SLC27A3: variants seen among roughly 807,000 people sequenced by gnomAD.
The protein encoded by SLC27A3 is solute carrier family 27 member 3, also known as long-chain fatty acid transport protein 3.
SLC27A3 carries 60 observed loss-of-function variants against 60.1 expected under a neutral mutation model. That is an observed-to-expected ratio of 1.00 (90% confidence interval 0.81 to 1.24). The LOEUF (loss-of-function observed/expected upper bound fraction) is 1.24, where lower values mean the gene tolerates loss of function less well. SLC27A3 is among the 50% of genes most tolerant of loss of function. SLC27A3 has a pLI of 0.00. For synonymous variants in SLC27A3, 455 were observed against 409.0 expected (o/e 1.11, Z -1.36); for missense variants, 1,079 against 929.9 (o/e 1.16, Z -2.09).
rs767288409 is a variant in SLC27A3, at chr1:153,778,141, C to T, written c.1162-20C>T. The T allele has an allele frequency of 4.4e-6, 7 of 1,589,086 alleles. No individual in the cohort carries two copies. The highest frequency in any genetic ancestry group is 1.8e-4 in the Middle Eastern group (1 of 5,648). On this transcript the variant is annotated intron_variant, in intron 4 of 9. Coordinates refer to ENST00000624995, the MANE Select transcript of SLC27A3 (RefSeq NM_024330.4). ...GGCATCTTGATGCTGAAGCTCCGGC[C>T]CCTCTCCCACTCATCTCAGAGCAAG...
intron 1 of SLC27A3, 78 bp downstream of exon 1, chr1:153,776,242 G>A: frequency 1.4e-6 from 2 of 1,414,160 alleles, no homozygotes; most frequent in South Asian, 3.1e-5. Context: ...GAAAGGCTTG[G>A]TCTCATCCCT....
Position 153,780,136 on chromosome 1 carries a change from A to C in SLC27A3, c.*134A>C. The C allele has an allele frequency of 1.3e-6, 1 of 770,968 alleles. No individual in the cohort carries two copies. The highest frequency in any genetic ancestry group is 2.0e-6 in the Non-Finnish European group (1 of 490,246). The allele number at this position is 770,968 out of a possible 1,614,324, so 47.8% of individuals were successfully genotyped here. On this transcript the variant is annotated 3_prime_UTR_variant, in exon 10 of 10. Coordinates refer to ENST00000624995, the MANE Select transcript of SLC27A3 (RefSeq NM_024330.4). ...TTTGTAATAAATGTGGCTGGAGCTG[A>C]TCCAGCTGTCTCTGACCTACAGTAT... is the stretch of plus-strand genomic sequence containing the variant.
Position 153,778,695 on chromosome 1 carries a change from G to A in SLC27A3, c.1456G>A (p.Gly486Arg). 1 of 1,612,884 alleles carries A rather than the reference G, an allele frequency of 6.2e-7. No homozygotes were observed. The highest frequency in any genetic ancestry group is 8.5e-7 in the Non-Finnish European group (1 of 1,179,948). Residue 486 changes from glycine to arginine, a missense_variant, in exon 7 of 10, where the codon GGG becomes AGG. Physicochemically the swap from Gly to Arg is moderately radical, Grantham distance 125 (BLOSUM62 -2). Coordinates refer to ENST00000624995, the MANE Select transcript of SLC27A3 (RefSeq NM_024330.4). ...HCMATSPGEPGLLVAPVSQQS... is the reference protein window; with the variant it reads ...HCMATSPGEPRLLVAPVSQQS... ...CCTGGTGACTCTGCCAGGTGAGCCA[G>A]GGCTGCTGGTGGCCCCGGTAAGCCA...
At position 153,779,387 on chromosome 1, in the gene SLC27A3, C is replaced by T. The variant is rs1001930434; in HGVS notation, c.1789C>T (p.Pro597Ser). 5.2e-5 allele frequency: 84 copies of T among 1,613,058 alleles called. No homozygotes were observed. The highest frequency in any genetic ancestry group is 7.0e-5 in the Non-Finnish European group (83 of 1,179,710). ...AGMAALVLRP[P>S]HALDLMQLYT... ...AATGGCAGCCCTAGTTCTGCGTCCC[C>T]CCCACGCTTTGGACCTTATGCAGCT... Residue 597 changes from proline (P) to serine (S), a missense_variant, in exon 9 of 10, where the codon CCC becomes TCC. Transcript: ENST00000624995.
rs1469322592 is a variant in SLC27A3, at chr1:153,775,448, T to C, written c.-50T>C. Reference sequence around the variant, plus strand: ...GGTTTTCGGAAGGGAGGATCAGGGATGTTTGCGAGCGGCTGGAACCAGACG... The same window carrying C: ...GGTTTTCGGAAGGGAGGATCAGGGACGTTTGCGAGCGGCTGGAACCAGACG... On this transcript the variant is annotated 5_prime_UTR_variant, in exon 1 of 10. It removes an upstream start codon present in the reference 5' UTR. Transcript: ENST00000624995. The C allele has an allele frequency of 6.2e-7, 1 of 1,612,496 alleles. No individual in the cohort carries two copies. Among genetic ancestry groups the C allele is most frequent in the Admixed American group, 1.7e-5 (1 of 60,032 alleles).
Position 153,776,668 on chromosome 1 carries a change from T to A in SLC27A3, c.818T>A (p.Leu273His). 6.2e-7 allele frequency: 1 copy of A among 1,614,090 alleles called. No individual in the cohort carries two copies. Among genetic ancestry groups the A allele is most frequent in the South Asian group, 1.1e-5 (1 of 91,074 alleles). ...GTGGATGGGCCAGTGCCAGGATACC[T>A]CTCTTCCCCCCAGAGCATAACAGAC... ...AEVDGPVPGY[L>H]SSPQSITDTC... is the part of the protein sequence containing the mutation. The change falls in exon 2 of 10, where the codon CTC becomes CAC. Residue 273 changes from leucine to histidine, a missense_variant. Transcript: ENST00000624995.
Position 153,779,587 on chromosome 1 carries a change from C to T in SLC27A3, c.1875+114C>T, listed in dbSNP as rs575426847. 3.2e-6 allele frequency: 4 copies of T among 1,232,638 alleles called. No individual in the cohort carries two copies. The Admixed American group carries it at 8.5e-5, about 26-fold the overall frequency. 76.4% of individuals were successfully genotyped at this position (1,232,638 alleles called of 1,614,324 possible). On this transcript the variant is annotated intron_variant, in intron 9 of 9. Transcript: ENST00000624995. Reference sequence around the variant, plus strand: ...CTCCCAAACTCCACAAAGGGACCCCCAACGTAATACACTCCGTGAAGAGAA... The same window carrying T: ...CTCCCAAACTCCACAAAGGGACCCCTAACGTAATACACTCCGTGAAGAGAA...
intron 8 of SLC27A3, 41 bp downstream of exon 8, chr1:153,779,252 C>T: frequency 1.2e-6 from 2 of 1,613,604 alleles, no homozygotes; most frequent in Admixed American, 1.7e-5. Context: ...CCAGCCACCA[C>T]CCCGAATTGG....
At chr1:153,778,954 A>G in intron 7 of SLC27A3, 69 bp downstream of exon 7, 23 of 1,539,090 alleles carry the variant, frequency 1.5e-5, no homozygotes, top group Middle Eastern at 1.7e-4. Flanking sequence ...CTGAACCTCA[A>G]CTCTCTAATC....
chr1:153,775,459 G>A lies in SLC27A3; in HGVS notation c.-39G>A, dbSNP rs370290114. ...GGGAGGATCAGGGATGTTTGCGAGC[G>A]GCTGGAACCAGACGGTGCCGATAGA... On this transcript the variant is annotated 5_prime_UTR_variant, in exon 1 of 10. Coordinates refer to ENST00000624995, the MANE Select transcript of SLC27A3 (RefSeq NM_024330.4). 4 of 1,612,854 alleles carry A rather than the reference G, an allele frequency of 2.5e-6. No homozygotes were observed. The highest frequency in any genetic ancestry group is 3.4e-6 in the Non-Finnish European group (4 of 1,180,030).
chr1:153,775,923 C>T lies in SLC27A3; in HGVS notation c.426C>T (p.Ala142=), dbSNP rs750746696. The change falls in exon 1 of 10, where the codon GCC becomes GCT. Residue 142 remains alanine, a synonymous_variant. Transcript: ENST00000624995. The part of the protein sequence containing the change: ...RAAPGAGDAA[A]GSGAEFAGGD... ...CGCCGGGAGCCGGAGATGCAGCGGC[C>T]GGAAGCGGCGCGGAGTTTGCCGGAG... is the stretch of plus-strand genomic sequence containing the variant. The T allele has an allele frequency of 3.4e-6, 5 of 1,461,320 alleles. No individual in the cohort carries two copies. The African/African-American group carries it at 7.4e-5, about 22-fold the overall frequency. 90.5% of individuals were successfully genotyped at this position (1,461,320 alleles called of 1,614,324 possible).
rs547644986 is a variant in SLC27A3, at chr1:153,778,222, C to A, written c.1223C>A (p.Thr408Asn). The change falls in exon 5 of 10, where the codon ACC becomes AAC. Residue 408 changes from threonine to asparagine, a missense_variant. By Grantham distance (65) the Thr-to-Asn change is moderately conservative (BLOSUM62 0). Transcript: ENST00000624995. ...LAVGSGLRPD[T>N]WERFVRRFGP... is the part of the protein sequence containing the mutation. ...GTGGGCAGCGGGCTGCGCCCAGATA[C>A]CTGGGAGCGTTTTGTGCGGCGCTTC... 1.2e-6 allele frequency: 2 copies of A among 1,613,604 alleles called. No individual in the cohort carries two copies. Among genetic ancestry groups the A allele is most frequent in the Admixed American group, 1.7e-5 (1 of 60,004 alleles).
At position 153,777,234 on chromosome 1, in the gene SLC27A3, AC is replaced by A. The variant is rs920028649; in HGVS notation, c.1036+18del. ...GCATGGGCATTGGTCAGTCTCCCCA[AC>A]CCCACCTTCATTAATTCATCCAGTA... On this transcript the variant is annotated intron_variant, in intron 3 of 9. Transcript: ENST00000624995. 2 of 1,613,728 alleles carry A rather than the reference AC, an allele frequency of 1.2e-6. No homozygotes were observed. Among genetic ancestry groups the A allele is most frequent in the African/African-American group, 2.7e-5 (2 of 75,012 alleles).
chr1:153,778,247 C>T lies in SLC27A3; in HGVS notation c.1248C>T (p.Phe416=), dbSNP rs942591712. 37 of 1,613,922 alleles carry T rather than the reference C, an allele frequency of 2.3e-5. No homozygotes were observed. The highest frequency in any genetic ancestry group is 5.5e-5 in the South Asian group (5 of 91,092). ...CCTGGGAGCGTTTTGTGCGGCGCTT[C>T]GGGCCCCTGCAGGTGCTGGAGACAT... ...PDTWERFVRR[F]GPLQVLETYG... Residue 416 remains phenylalanine (F), a synonymous_variant, in exon 5 of 10, where the codon TTC becomes TTT. Transcript: ENST00000624995.
At position 153,780,132 on chromosome 1, in the gene SLC27A3, G is replaced by T; in HGVS notation, c.*130G>T. 1 of 771,492 alleles carries T rather than the reference G, an allele frequency of 1.3e-6. No homozygotes were observed. The highest frequency in any genetic ancestry group is 2.0e-6 in the Non-Finnish European group (1 of 489,440). 47.8% of individuals were successfully genotyped at this position (771,492 alleles called of 1,614,324 possible). A position where few individuals can be genotyped will look rare whatever the true frequency, so the allele number is the denominator to read the frequency against. Reference sequence around the variant, plus strand: ...CTATTTTGTAATAAATGTGGCTGGAGCTGATCCAGCTGTCTCTGACCTACA... The same window carrying T: ...CTATTTTGTAATAAATGTGGCTGGATCTGATCCAGCTGTCTCTGACCTACA... On this transcript the variant is annotated 3_prime_UTR_variant, in exon 10 of 10. Transcript: ENST00000624995.
intron 2 of SLC27A3, 90 bp downstream of exon 2, chr1:153,776,817 A>G (rs1338691725): frequency 2.4e-6 from 3 of 1,275,450 alleles, no homozygotes; most frequent in Non-Finnish European, 3.3e-6. Flanking sequence ...AAGCCCCCAG[A>G]GAGGATGCTG....
rs199563945 is a variant in SLC27A3, at chr1:153,777,727, A to ACCT, written c.1037-31_1037-29dup. ...GGCTCCCCACTCTGCTCCTAATCTT[A>ACCT]CCTCCCTTCTTCCCCCCTGCCCACT... is the stretch of plus-strand genomic sequence containing the variant. On this transcript the variant is annotated intron_variant, in intron 3 of 9. Transcript: ENST00000624995. 8.2e-4 allele frequency: 1,262 copies of ACCT among 1,539,068 alleles called. 2 individuals carry two copies. Among genetic ancestry groups the ACCT allele is most frequent in the African/African-American group, 1.0e-3 (68 of 65,360 alleles).
In SLC27A3 at chr1:153,778,240, G is replaced by T. The variant is rs201437608; in HGVS notation, c.1241G>T (p.Arg414Leu). The change falls in exon 5 of 10, where the codon CGG (arginine) becomes CTG (leucine). Residue 414 changes from arginine to leucine, a missense_variant. Transcript: ENST00000624995. ...CCAGATACCTGGGAGCGTTTTGTGC[G>T]GCGCTTCGGGCCCCTGCAGGTGCTG... ...LRPDTWERFV[R>L]RFGPLQVLET... The T allele has an allele frequency of 6.2e-7, 1 of 1,613,930 alleles. No homozygotes were observed. Among genetic ancestry groups the T allele is most frequent in the East Asian group, 2.2e-5 (1 of 44,886 alleles).
Position 153,776,602 on chromosome 1 carries a change from C to T in SLC27A3, c.752C>T (p.Pro251Leu). 2 of 1,614,242 alleles carry T rather than the reference C, an allele frequency of 1.2e-6. No homozygotes were observed. The highest frequency in any genetic ancestry group is 1.7e-6 in the Non-Finnish European group (2 of 1,180,040). ...HLWAAGPGTH[P>L]AGISDLLAEV... ...TGGGCTGCAGGCCCAGGAACCCACC[C>T]TGCTGGAATTAGCGATTTGCTGGCT... is the stretch of plus-strand genomic sequence containing the variant. Residue 251 changes from proline to leucine, a missense_variant, in exon 2 of 10, where the codon CCT (proline) becomes CTT (leucine). Coordinates refer to ENST00000624995, the MANE Select transcript of SLC27A3 (RefSeq NM_024330.4).
Sources: gnomAD v4.1 joint callset for allele counts on GRCh38, gnomAD v4.1.1 for gene constraint, MANE v1.5 for transcripts, NCBI Gene and HGNC (gene_info 2026-07-23, HGNC 2026-07-21) for gene names.